The following CARS1 variants were observed in gnomAD, a reference collection of about 807,000 sequenced individuals.
CARS1 encodes the protein cysteine--tRNA ligase, cytoplasmic.
CARS1 carries 48 observed loss-of-function variants against 106.2 expected under a neutral mutation model. The observed-to-expected ratio is 0.45, with a 90% CI of 0.36 to 0.57. The LOEUF is 0.57. Among genes scored for constraint, CARS1 ranks in the 20% least tolerant of loss-of-function variants. The pLI is 0.00. For synonymous variants in CARS1, 409 were observed against 403.4 expected, an observed-to-expected ratio of 1.01 and a Z score of -0.17; for missense variants, 968 against 1,057.2, an observed-to-expected ratio of 0.92 and a Z score of 1.17.
At position 3,008,635 on chromosome 11, in the gene CARS1, A is replaced by AAT. The variant is rs1421430524; in HGVS notation, c.2069-1677_2069-1676insAT. On this transcript the variant is annotated intron_variant, in intron 18 of 22. Transcript: ENST00000380525. The surrounding 1 kb of genome is among the most constrained non-coding windows in gnomAD (Gnocchi z 5.1). ...TCCATCTCAAAAAAAAAAAAAAAAA[A>AAT]TTGCATATCCTTGGGCTTCAAGGCC... 6.6e-6 allele frequency: 1 copy of AAT among 151,792 alleles called. No individual in the cohort carries two copies. The highest frequency in any genetic ancestry group is 1.5e-5 in the Non-Finnish European group (1 of 68,048). The allele number at this position is 151,792 out of a possible 1,614,324, so 9.4% of individuals were successfully genotyped here. A position where few individuals can be genotyped will look rare whatever the true frequency, so the allele number is the denominator to read the frequency against.
Position 3,012,252 on chromosome 11 carries a change from G to A in CARS1, c.2011C>T (p.Leu671Phe). Reference protein sequence around the residue: ...LSLEATVMPYLQVLSEFREGV... With the variant: ...LSLEATVMPYFQVLSEFREGV... Reference sequence around the variant, plus strand: ...TCTCGGAATTCTGATAACACCTGAAGGTAGGGCATGACTGTGGCCTCGAGC... The same window carrying A: ...TCTCGGAATTCTGATAACACCTGAAAGTAGGGCATGACTGTGGCCTCGAGC... Residue 671 changes from leucine to phenylalanine, a missense_variant, in exon 18 of 23, where the codon CTT (leucine) becomes TTT (phenylalanine). By Grantham distance (22) the Leu-to-Phe change is conservative (BLOSUM62 0). Coordinates refer to ENST00000380525, the MANE Select transcript of CARS1 (RefSeq NM_001014437.3). The A allele has an allele frequency of 6.2e-7, 1 of 1,614,256 alleles. No individual in the cohort carries two copies. Among genetic ancestry groups the A allele is most frequent in the Non-Finnish European group, 8.5e-7 (1 of 1,180,038 alleles).
At position 3,008,631 on chromosome 11, in the gene CARS1, A is replaced by AG. The variant is rs1427359334; in HGVS notation, c.2069-1673_2069-1672insC. 2.0e-5 allele frequency: 3 copies of AG among 152,236 alleles called. No individual in the cohort carries two copies. The East Asian group carries it at 5.8e-4, about 29-fold the overall frequency. The allele number at this position is 152,236 out of a possible 1,614,324, so 9.4% of individuals were successfully genotyped here. ...AGACTCCATCTCAAAAAAAAAAAAA[A>AG]AAAATTGCATATCCTTGGGCTTCAA... On this transcript the variant is annotated intron_variant, in intron 18 of 22. Transcript: ENST00000380525. The surrounding 1 kb of genome is among the most constrained non-coding windows in gnomAD (Gnocchi z 5.1).
chr11:3,002,990 G>A (rs1317588915), intron 20 of CARS1, among the ~76,000 whole-genome samples: 1 of 152,238 alleles, frequency 6.6e-6, no homozygotes. Context: ...GTTATCCTGA[G>A]TGGGTCTTGG....
chr11:3,036,971 G>A (rs1298862487), intron 7 of CARS1, among the ~76,000 whole-genome samples: 2 of 150,870 alleles, frequency 1.3e-5, no homozygotes, highest in African/African-American at 4.9e-5. Context: ...AAATGGCTAA[G>A]ATGGTAAATT....
intron 1 of CARS1, chr11:3,054,729 A>C: frequency 1.6e-6 from 1 of 615,622 alleles, no homozygotes; most frequent in South Asian, 1.9e-5. Flanking sequence ...GATCTTCCTC[A>C]AAGGGGTTCC....
chr11:3,017,214 G>A lies in CARS1; in HGVS notation c.1809C>T (p.Ala603=). The change falls in exon 16 of 23, where the codon GCC becomes GCT. Residue 603 remains alanine (A), a synonymous_variant. Transcript: ENST00000380525. This position sits in a 1 kb window ranked among gnomAD's most constrained non-coding sequence, Gnocchi z 4.9. ...DTRTVMEEMR[A]LVSQCNLYMA... Reference sequence around the variant, plus strand: ...TATAGAGGTTGCACTGACTGACCAAGGCCCGCATCTCTTCCATGACGGTGC... The same window carrying A: ...TATAGAGGTTGCACTGACTGACCAAAGCCCGCATCTCTTCCATGACGGTGC... 2 of 1,614,144 alleles carry A rather than the reference G, an allele frequency of 1.2e-6. No individual in the cohort carries two copies. The highest frequency in any genetic ancestry group is 1.7e-6 in the Non-Finnish European group (2 of 1,179,984).
rs1855380433 is a variant in CARS1 at position 3,048,870 on chromosome 11, T to C, written c.26-869A>G. Among the ~76,000 whole-genome samples, 1 of 152,174 alleles carries C rather than the reference T, an allele frequency of 6.6e-6. No individual in the cohort carries two copies. Among genetic ancestry groups the C allele is most frequent in the African/African-American group, 2.4e-5 (1 of 41,454 alleles). The stretch of plus-strand genomic sequence containing the variant: ...GGCCCCAGCCTCCCTCCTTAGAGCC[T>C]TCAAAGCAGTAAGCGTGCACCTCCA... On this transcript the variant is annotated intron_variant, in intron 1 of 22. Transcript: ENST00000380525. This position sits in a 1 kb window ranked among gnomAD's most constrained non-coding sequence, Gnocchi z 5.1.
chr11:3,049,005 C>T (rs1471958528), intron 1 of CARS1, among the ~76,000 whole-genome samples: 1 of 152,260 alleles, frequency 6.6e-6, no homozygotes, highest in Non-Finnish European at 1.5e-5. Context: ...ACAAGGCCGC[C>T]TTGACACATG....
At position 3,048,912 on chromosome 11, in the gene CARS1, C is replaced by T. The variant is rs1267972082; in HGVS notation, c.26-911G>A. 1.3e-5 allele frequency among the ~76,000 whole-genome samples: 2 copies of T among 152,210 alleles called. No individual in the cohort carries two copies. Among genetic ancestry groups the T allele is most frequent in the African/African-American group, 4.8e-5 (2 of 41,458 alleles). ...GCACCTCCACCACTCAGGTGTGTCA[C>T]TCAAGGACCCAAGAGCCACTGTTCC... On this transcript the variant is annotated intron_variant, in intron 1 of 22. Coordinates refer to ENST00000380525, the MANE Select transcript of CARS1 (RefSeq NM_001014437.3). This position sits in a 1 kb window ranked among gnomAD's most constrained non-coding sequence, Gnocchi z 5.1.
chr11:3,055,048 C>T (rs928171560), intron 1 of CARS1: 2 of 686,364 alleles, frequency 2.9e-6, no homozygotes, highest in Non-Finnish European at 5.3e-6. Flanking sequence ...AGCTGTACAC[C>T]CAGTGAGATC....
At chr11:3,033,056 T>C (rs1853082613) in intron 7 of CARS1, among the ~76,000 whole-genome samples, 1 of 152,028 alleles carries the variant, frequency 6.6e-6, no homozygotes, top group South Asian at 2.1e-4. Flanking sequence ...AAAAACTTTT[T>C]TTTTTTCTAA....
chr11:3,047,741 T>C lies in CARS1; in HGVS notation c.274+12A>G, dbSNP rs1590550984. ...AGGTTCTAATGGCCAGGGAACCCACTCTGTTACTCACTTGCTTGGAGCCTG... is the reference window on the plus strand; with the variant it reads ...AGGTTCTAATGGCCAGGGAACCCACCCTGTTACTCACTTGCTTGGAGCCTG... On this transcript the variant is annotated intron_variant, in intron 2 of 22. Transcript: ENST00000380525. 1.3e-6 allele frequency: 2 copies of C among 1,599,340 alleles called. No homozygotes were observed. The highest frequency in any genetic ancestry group is 1.7e-5 in the Admixed American group (1 of 58,592).
Position 3,047,882 on chromosome 11 carries a change from C to G in CARS1, c.145G>C (p.Asp49His). The G allele has an allele frequency of 6.2e-7, 1 of 1,614,132 alleles. No homozygotes were observed. The highest frequency in any genetic ancestry group is 8.5e-7 in the Non-Finnish European group (1 of 1,180,016). ...QGYSLSQADV[D>H]AFRQLSAPPA... ...GGGGCCGAGAGCTGCCTGAACGCGT[C>G]CACGTCTGCCTGGGACAGTGAGTAC... Residue 49 changes from aspartate to histidine, a missense_variant, in exon 2 of 23, where the codon GAC (aspartate) becomes CAC (histidine). By Grantham distance (81) the Asp-to-His change is moderately conservative. Coordinates refer to ENST00000380525, the MANE Select transcript of CARS1 (RefSeq NM_001014437.3).
chr11:3,007,552 A>C (rs1470680171), intron 18 of CARS1: 1 of 152,802 alleles, frequency 6.5e-6, no homozygotes, highest in Non-Finnish European at 1.5e-5. Flanking sequence ...GCTGAAGCGC[A>C]CGCAGCTGTA....
At chr11:3,012,088 AGAGGATGATCCG>A in intron 18 of CARS1, 95 bp downstream of exon 18, 2 of 1,044,622 alleles carry the variant, frequency 1.9e-6, no homozygotes, top group Non-Finnish European at 3.0e-6. Flanking sequence ...CAGCCTTCCC[AGAGGATGATCCG>A]GCCTGAACGC....
Position 3,040,013 on chromosome 11 carries a change from G to A in CARS1, c.456-82C>T. 2 of 696,784 alleles carry A rather than the reference G, an allele frequency of 2.9e-6. No individual in the cohort carries two copies. Among genetic ancestry groups the A allele is most frequent in the Non-Finnish European group, 2.4e-6 (1 of 409,922 alleles). The allele number at this position is 696,784 out of a possible 1,614,324, so 43.2% of individuals were successfully genotyped here. On this transcript the variant is annotated intron_variant, in intron 4 of 22. Transcript: ENST00000380525. This position sits in a 1 kb window ranked among gnomAD's most constrained non-coding sequence, Gnocchi z 5.8. Reference sequence around the variant, plus strand: ...CCAACAACACGTGTTTGAACTGCATGAGTGCATTTATATATGATTTTCTCT... The same window carrying A: ...CCAACAACACGTGTTTGAACTGCATAAGTGCATTTATATATGATTTTCTCT...
At chr11:3,033,408 ATAAGT>A (rs1331749840) in intron 7 of CARS1, among the ~76,000 whole-genome samples, 1 of 152,248 alleles carries the variant, frequency 6.6e-6, no homozygotes, top group East Asian at 1.9e-4. Context: ...GCGAATAACA[ATAAGT>A]TAATATGAAA....
Position 3,040,044 on chromosome 11 carries a change from C to T in CARS1, c.456-113G>A, listed in dbSNP as rs1854226330. ...ATTTATATATGATTTTCTCTGCCATCCCTGAAACAGCAAGACCCCCCCTTC... is the reference window on the plus strand; with the variant it reads ...ATTTATATATGATTTTCTCTGCCATTCCTGAAACAGCAAGACCCCCCCTTC... On this transcript the variant is annotated intron_variant, in intron 4 of 22. Coordinates refer to ENST00000380525, the MANE Select transcript of CARS1 (RefSeq NM_001014437.3). The surrounding 1 kb of genome is among the most constrained non-coding windows in gnomAD (Gnocchi z 5.8). The T allele has an allele frequency of 1.7e-6, 1 of 592,068 alleles. No homozygotes were observed. Among genetic ancestry groups the T allele is most frequent in the Non-Finnish European group, 2.9e-6 (1 of 340,762 alleles). 36.7% of individuals were successfully genotyped at this position (592,068 alleles called of 1,614,324 possible).
intron 7 of CARS1, among the ~76,000 whole-genome samples, chr11:3,032,585 A>G (rs911457458): frequency 1.3e-5 from 2 of 152,150 alleles, no homozygotes; most frequent in Non-Finnish European, 2.9e-5. Flanking sequence ...TGGGTGAGGA[A>G]GAAATCCCTA....
Sources: allele counts gnomAD v4.1 joint callset (sites outside exome capture counted in the v4.1 genomes callset), GRCh38; gene constraint gnomAD v4.1.1; non-coding constraint Gnocchi (gnomAD v3.1); transcripts MANE v1.5; gene names NCBI Gene and HGNC (gene_info 2026-07-23, HGNC 2026-07-21).